The following TYW1 variants were observed in gnomAD, a reference collection of about 807,000 sequenced individuals.
The protein encoded by TYW1 is tRNA-yW synthesizing protein 1 homolog, also known as S-adenosyl-L-methionine-dependent tRNA 4-demethylwyosine synthase TYW1.
In TYW1, 46 loss-of-function variants were observed where a neutral mutation model predicts 96.2. The observed-to-expected ratio is 0.48, with a 90% CI of 0.38 to 0.61. The LOEUF (loss-of-function observed/expected upper bound fraction) is 0.61, where lower values mean the gene tolerates loss of function less well. Among genes scored for constraint, TYW1 ranks in the 20% least tolerant of loss-of-function variants. The pLI, the probability that TYW1 is intolerant of heterozygous loss-of-function variation, is 0.00. For missense variants in TYW1, 684 were observed against 909.6 expected (o/e 0.75, Z 3.19); for synonymous variants, 274 against 323.0 (o/e 0.85, Z 1.63).
chr7:67,040,879 T>C (rs962762237), intron 7 of TYW1, among the ~76,000 whole-genome samples: 1 of 151,986 alleles, frequency 6.6e-6, no homozygotes, highest in Admixed American at 6.6e-5. Context: ...AAACTTTGTT[T>C]ATAGTGGGTG....
rs547471119 is a variant in TYW1, at chr7:67,196,439, C to T, written c.1977+1102C>T. Among the ~76,000 whole-genome samples, 14 of 148,598 alleles carry T rather than the reference C, an allele frequency of 9.4e-5. No individual in the cohort carries two copies. The South Asian group carries it at 2.9e-3, about 31-fold the overall frequency. ...CAGGTTCTCATTCATGTTGCCTTGTCTTCTCCAGTGCCTTGTTACCTGTGA... is the reference window on the plus strand; with the variant it reads ...CAGGTTCTCATTCATGTTGCCTTGTTTTCTCCAGTGCCTTGTTACCTGTGA... On this transcript the variant is annotated intron_variant, in intron 15 of 15. Coordinates refer to ENST00000359626, the MANE Select transcript of TYW1 (RefSeq NM_018264.4).
At chr7:67,092,442 C>G (rs1160551371) in intron 11 of TYW1, among the ~76,000 whole-genome samples, 1 of 152,104 alleles carries the variant, frequency 6.6e-6, no homozygotes. Context: ...GACTCAGGTT[C>G]CCTAGACATA....
chr7:67,073,713 G>A (rs184924181), intron 10 of TYW1, among the ~76,000 whole-genome samples: 1 of 134,978 alleles, frequency 7.4e-6, no homozygotes, highest in African/African-American at 2.8e-5. Flanking sequence ...GGTGGAGGTT[G>A]CAGTGAGCTA....
At chr7:67,131,989 C>T (rs10232929) in intron 13 of TYW1, among the ~76,000 whole-genome samples, 42,031 of 152,026 alleles carry the variant, frequency 0.28, 6,650 homozygotes, top group African/African-American at 0.44. Flanking sequence ...TGGTGCCCAC[C>T]CAGATTGAGG....
At chr7:67,013,398 C>T (rs574588149) in intron 4 of TYW1, among the ~76,000 whole-genome samples, 1 of 152,242 alleles carries the variant, frequency 6.6e-6, no homozygotes, top group South Asian at 2.1e-4. Flanking sequence ...CCTGGGATTA[C>T]AGGTATGAGC....
intron 3 of TYW1, among the ~76,000 whole-genome samples, chr7:67,003,450 G>GA (rs1274858013): frequency 6.6e-6 from 1 of 151,386 alleles, no homozygotes; most frequent in East Asian, 1.9e-4. Context: ...CTCTCCAAAA[G>GA]AAAAGATGTT....
intron 7 of TYW1, among the ~76,000 whole-genome samples, chr7:67,048,512 A>G (rs1795256428): frequency 6.6e-6 from 1 of 152,030 alleles, no homozygotes; most frequent in South Asian, 2.1e-4. Context: ...TGCCATTCCC[A>G]AAAAGATAGG....
chr7:67,167,602 AT>A (rs1313677353), intron 13 of TYW1, among the ~76,000 whole-genome samples: 1 of 147,902 alleles, frequency 6.8e-6, no homozygotes, highest in Non-Finnish European at 1.5e-5. Flanking sequence ...TAAAATGGGG[AT>A]TTTTTTTCCC....
chr7:67,001,391 TTTTTATTTATTTTA>T (rs1185504431), intron 3 of TYW1, among the ~76,000 whole-genome samples: 2 of 151,422 alleles, frequency 1.3e-5, no homozygotes, highest in African/African-American at 2.4e-5. Flanking sequence ...TCTGAATTTA[TTTTTATTTATTTTA>T]TTTTATTTAT....
Position 67,089,657 on chromosome 7 carries a change from C to G in TYW1, c.1384+6118C>G, listed in dbSNP as rs537358967. On this transcript the variant is annotated intron_variant, in intron 11 of 15. Transcript: ENST00000359626. ...CCCAACTGGAGCTACGTGGCCAGTC[C>G]TGAGCAGCTTTGGAAGATAATTCCT... is the stretch of plus-strand genomic sequence containing the variant. Among the ~76,000 whole-genome samples the G allele has an allele frequency of 1.1e-4, 16 of 152,294 alleles. No homozygotes were observed. The East Asian group carries it at 3.1e-3, about 29-fold the overall frequency.
At chr7:67,184,016 A>G (rs1323203778) in intron 14 of TYW1, among the ~76,000 whole-genome samples, 1 of 151,894 alleles carries the variant, frequency 6.6e-6, no homozygotes, top group Non-Finnish European at 1.5e-5. Context: ...AGAAGGTCTC[A>G]CTGTTTTGCC....
intron 15 of TYW1, among the ~76,000 whole-genome samples, chr7:67,227,367 C>T (rs959657987): frequency 1.1e-4 from 16 of 152,204 alleles, no homozygotes; most frequent in Non-Finnish European, 2.2e-4. Flanking sequence ...ATTGATTCTC[C>T]TGCCTCAGCC....
chr7:67,062,943 C>G (rs1343389435), intron 9 of TYW1, among the ~76,000 whole-genome samples: 1 of 152,198 alleles, frequency 6.6e-6, no homozygotes, highest in Non-Finnish European at 1.5e-5. Context: ...TTTCTGAACT[C>G]ATTTTATGAG....
At chr7:67,115,038 CAG>C (rs1007404223) in intron 12 of TYW1, among the ~76,000 whole-genome samples, 2 of 152,078 alleles carry the variant, frequency 1.3e-5, no homozygotes, top group African/African-American at 4.8e-5. Flanking sequence ...TTGGTAGTGT[CAG>C]TGTCCAGGGC....
intron 13 of TYW1, among the ~76,000 whole-genome samples, chr7:67,180,424 A>ATATATATATATATAT (rs1341437613): frequency 7.3e-5 from 6 of 81,912 alleles, no homozygotes; most frequent in East Asian, 2.3e-4. Flanking sequence ...ATATATATAT[A>ATATATATATATATAT]ATTTTTTTTT....
chr7:67,077,729 A>C (rs1796248393), intron 10 of TYW1, among the ~76,000 whole-genome samples: 1 of 152,160 alleles, frequency 6.6e-6, no homozygotes, highest in Non-Finnish European at 1.5e-5. Context: ...TTTGCAGTGC[A>C]GCAGCTTTTT....
At chr7:67,202,490 A>G (rs116969801) in intron 15 of TYW1, among the ~76,000 whole-genome samples, 3,552 of 152,148 alleles carry the variant, frequency 0.023, 55 homozygotes, top group Non-Finnish European at 0.034. Context: ...TCAACCTCCC[A>G]GGCTCCAGCA....
At chr7:67,181,414 A>G (rs1000430841) in intron 13 of TYW1, among the ~76,000 whole-genome samples, 9 of 152,186 alleles carry the variant, frequency 5.9e-5, no homozygotes, top group African/African-American at 2.2e-4. Context: ...TTTTGGAAGG[A>G]ACTTTTGAGT....
chr7:67,070,990 G>A (rs1796009187), intron 10 of TYW1, among the ~76,000 whole-genome samples: 1 of 151,926 alleles, frequency 6.6e-6, no homozygotes, highest in South Asian at 2.1e-4. Flanking sequence ...AATTAGCCGG[G>A]CGTGGTGGTG....
Sources: allele counts gnomAD v4.1 joint callset (sites outside exome capture counted in the v4.1 genomes callset), GRCh38; gene constraint gnomAD v4.1.1; transcripts MANE v1.5; gene names NCBI Gene and HGNC (gene_info 2026-07-23, HGNC 2026-07-21).